Variants in ATF7IP observed in about 807,000 individuals in gnomAD.
ATF7IP encodes activating transcription factor 7 interacting protein.
In ATF7IP, 23 loss-of-function variants were observed where a neutral mutation model predicts 106.4. That is an observed-to-expected ratio of 0.22 (90% CI 0.16 to 0.31). The LOEUF is 0.31. Among genes scored for constraint, ATF7IP ranks in the 10% least tolerant of loss-of-function variants. The probability of loss-of-function intolerance (pLI) is 1.00; values close to 1 mark genes in which losing one functional copy is unlikely to be tolerated. For missense variants in ATF7IP, 1,334 were observed against 1,524.3 expected, an observed-to-expected ratio of 0.88 and a Z score of 2.08; for synonymous variants, 542 against 539.0, an observed-to-expected ratio of 1.01 and a Z score of -0.08.
intron 1 of ATF7IP, among the ~76,000 whole-genome samples, chr12:14,374,534 C>T (rs1396835638): frequency 6.6e-6 from 1 of 151,954 alleles, no homozygotes; most frequent in Non-Finnish European, 1.5e-5. Flanking sequence ...TAGCTTTCTA[C>T]AGAATATGAC....
chr12:14,381,294 C>G (rs1322326281), intron 1 of ATF7IP, among the ~76,000 whole-genome samples: 3 of 152,158 alleles, frequency 2.0e-5, no homozygotes, highest in South Asian at 2.1e-4. Flanking sequence ...TGTAGTAGCT[C>G]GATCTAGGAT....
intron 1 of ATF7IP, chr12:14,416,867 A>T: frequency 1.0e-6 from 1 of 974,134 alleles, no homozygotes; most frequent in South Asian, 4.7e-5. Flanking sequence ...CAGGACTGAA[A>T]CATTGAAGCA....
intron 10 of ATF7IP, among the ~76,000 whole-genome samples, chr12:14,475,343 G>A (rs1944221281): frequency 6.6e-6 from 1 of 152,190 alleles, no homozygotes; most frequent in African/African-American, 2.4e-5. Context: ...TTGCTGTCAT[G>A]TGGTTTTAAA....
At chr12:14,432,954 G>C (rs1194860083) in intron 2 of ATF7IP, among the ~76,000 whole-genome samples, 1 of 152,112 alleles carries the variant, frequency 6.6e-6, no homozygotes, top group African/African-American at 2.4e-5. Context: ...GACATTGATT[G>C]ATTGACCAAA....
At chr12:14,497,454 C>T (rs192025268) in intron 14 of ATF7IP, among the ~76,000 whole-genome samples, 200 bp from the exon 15 acceptor site, 13 of 152,184 alleles carry the variant, frequency 8.5e-5, no homozygotes, top group African/African-American at 2.4e-4. Flanking sequence ...GTAGGAATAA[C>T]CTCAGCATCA....
Position 14,424,200 on chromosome 12 carries a change from A to C in ATF7IP, c.285A>C (p.Leu95=), listed in dbSNP as rs530779188. Residue 95 remains leucine (L), a synonymous_variant, in exon 2 of 15, where the codon CTA becomes CTC. Coordinates refer to ENST00000261168, the MANE Select transcript of ATF7IP (RefSeq NM_018179.5). ...AATGGAAGGAAACACCCTGTATCCT[A>C]AGTGTTAATGTAAAAAACAAGCAGG... ...KAEWKETPCI[L]SVNVKNKQDD... The C allele has an allele frequency of 6.2e-7, 1 of 1,614,164 alleles. No individual in the cohort carries two copies. The highest frequency in any genetic ancestry group is 1.1e-5 in the South Asian group (1 of 91,086).
At position 14,460,718 on chromosome 12, in the gene ATF7IP, G is replaced by C; in HGVS notation, c.2382G>C (p.Gln794His). 1.9e-6 allele frequency: 3 copies of C among 1,614,168 alleles called. No homozygotes were observed. Among genetic ancestry groups the C allele is most frequent in the Non-Finnish European group, 2.5e-6 (3 of 1,180,016 alleles). ...ILHVPVAVSS[Q>H]PQLLQSHPGT... ...ATGTACCTGTTGCAGTATCCTCCCA[G>C]CCTCAGCTTCTACAGAGCCATCCAG... is the stretch of plus-strand genomic sequence containing the variant. Residue 794 changes from glutamine to histidine, a missense_variant, in exon 9 of 15, where the codon CAG becomes CAC. Gln to His is a conservative substitution (Grantham distance 24, BLOSUM62 0). Transcript: ENST00000261168.
chr12:14,406,959 G>T (rs1347116692), intron 1 of ATF7IP, among the ~76,000 whole-genome samples: 1 of 152,156 alleles, frequency 6.6e-6, no homozygotes, highest in African/African-American at 2.4e-5. Context: ...TGGTTAAAAA[G>T]AGCCTCAGTT....
intron 1 of ATF7IP, among the ~76,000 whole-genome samples, chr12:14,396,641 G>GT (rs1391163334): frequency 6.6e-6 from 1 of 152,102 alleles, no homozygotes; most frequent in Non-Finnish European, 1.5e-5. Context: ...GTAGGAAAAA[G>GT]TTTTTCAAAC....
At chr12:14,439,901 C>T (rs1419679977) in intron 5 of ATF7IP, among the ~76,000 whole-genome samples, 1 of 151,200 alleles carries the variant, frequency 6.6e-6, no homozygotes, top group Non-Finnish European at 1.5e-5. Flanking sequence ...AAACAGTTTT[C>T]GACACCTATC....
At chr12:14,473,310 G>GTGTC (rs1565542667) in intron 10 of ATF7IP, among the ~76,000 whole-genome samples, 2 of 151,554 alleles carry the variant, frequency 1.3e-5, no homozygotes, top group Non-Finnish European at 2.9e-5. Flanking sequence ...GTGTGTGTGT[G>GTGTC]TGTGTGTGTG....
chr12:14,480,968 C>T (rs776443642), intron 12 of ATF7IP, 35 bp from the exon 13 acceptor site: 23 of 1,591,982 alleles, frequency 1.4e-5, no homozygotes, highest in Non-Finnish European at 1.7e-6. Flanking sequence ...GTAGAATTTA[C>T]TGTATTCTTA....
At chr12:14,382,854 G>C (rs1939053005) in intron 1 of ATF7IP, among the ~76,000 whole-genome samples, 1 of 152,128 alleles carries the variant, frequency 6.6e-6, no homozygotes, top group Non-Finnish European at 1.5e-5. Context: ...GATATTGAGA[G>C]AGTAATGATA....
In ATF7IP at chr12:14,474,522, T is replaced by TC. The variant is rs1389519042; in HGVS notation, c.2863-1365dup. Among the ~76,000 whole-genome samples the TC allele has an allele frequency of 2.6e-5, 4 of 151,966 alleles. No individual in the cohort carries two copies. The East Asian group carries it at 7.8e-4, about 29-fold the overall frequency. On this transcript the variant is annotated intron_variant, in intron 10 of 14. Coordinates refer to ENST00000261168, the MANE Select transcript of ATF7IP (RefSeq NM_018179.5). Reference sequence around the variant, plus strand: ...TTCAAGCGATTCTCCTGCCTCAGCCTCCCGAGTAGCTGGGACTATAGACAC... The same window carrying TC: ...TTCAAGCGATTCTCCTGCCTCAGCCTCCCCGAGTAGCTGGGACTATAGACAC...
intron 13 of ATF7IP, among the ~76,000 whole-genome samples, chr12:14,494,001 A>G (rs1007198656): frequency 1.3e-5 from 2 of 151,980 alleles, no homozygotes; most frequent in African/African-American, 4.8e-5. Context: ...GGTATTATGT[A>G]TAGAGTCACT....
At chr12:14,457,326 T>C in intron 8 of ATF7IP, 31 bp downstream of exon 8, 21 of 1,462,090 alleles carry the variant, frequency 1.4e-5, no homozygotes, top group Non-Finnish European at 2.0e-5. Flanking sequence ...CAAAATACAT[T>C]TTCTTAGGAA....
At chr12:14,411,117 T>G (rs932132074) in intron 1 of ATF7IP, among the ~76,000 whole-genome samples, 1 of 152,208 alleles carries the variant, frequency 6.6e-6, no homozygotes, top group Non-Finnish European at 1.5e-5. Context: ...TGTGGACATA[T>G]GTTTTCATTT....
At chr12:14,476,126 T>C (rs1375569901) in intron 11 of ATF7IP, 158 bp downstream of exon 11, 1 of 612,896 alleles carries the variant, frequency 1.6e-6, no homozygotes, top group Admixed American at 2.9e-5. Context: ...TTTTAAAATT[T>C]GGCCAGGTGC....
intron 1 of ATF7IP, among the ~76,000 whole-genome samples, chr12:14,423,466 T>C (rs1941641600): frequency 2.0e-5 from 3 of 151,890 alleles, no homozygotes; most frequent in Admixed American, 2.0e-4. Context: ...ATGTAATCTT[T>C]CCTTACATGT....
Sources: gnomAD v4.1 joint callset for allele counts (sites outside exome capture counted in the v4.1 genomes callset) on GRCh38, gnomAD v4.1.1 for gene constraint, MANE v1.5 for transcripts, NCBI Gene and HGNC (gene_info 2026-07-23, HGNC 2026-07-21) for gene names.